Variants in KIAA1217 observed in about 807,000 individuals in gnomAD.
KIAA1217 encodes the protein KIAA1217.
In KIAA1217, 88 loss-of-function variants were observed where a neutral mutation model predicts 163.9. The ratio of observed to expected loss-of-function variants is 0.54; its 90% CI spans 0.45 to 0.64. The LOEUF (loss-of-function observed/expected upper bound fraction) is 0.64. KIAA1217 is among the 30% of genes least tolerant of loss of function. KIAA1217 has a pLI of 0.00. For missense variants in KIAA1217, 2,372 were observed against 2,475.0 expected, an observed-to-expected ratio of 0.96 and a Z score of 0.88; for synonymous variants, 903 against 923.1, an observed-to-expected ratio of 0.98 and a Z score of 0.39.
intron 2 of KIAA1217, among the ~76,000 whole-genome samples, chr10:24,020,441 G>A (rs1187690099): frequency 1.3e-5 from 2 of 152,086 alleles, no homozygotes; most frequent in Non-Finnish European, 2.9e-5. Context: ...TCTCATTTGG[G>A]TGGGCAGTGG....
intron 1 of KIAA1217, among the ~76,000 whole-genome samples, chr10:23,955,776 A>AG (rs1385866905): frequency 8.5e-5 from 13 of 152,232 alleles, no homozygotes; most frequent in Non-Finnish European, 1.9e-4. Context: ...TAAATTGATT[A>AG]GCCATTATTT....
chr10:24,530,217 A>G (rs1043703927), intron 14 of KIAA1217, among the ~76,000 whole-genome samples: 3 of 152,200 alleles, frequency 2.0e-5, no homozygotes, highest in Non-Finnish European at 4.4e-5. Context: ...CAACAAAAAC[A>G]TATTACATTT....
chr10:23,968,632 C>T (rs1044658528), intron 1 of KIAA1217, among the ~76,000 whole-genome samples: 2 of 152,148 alleles, frequency 1.3e-5, no homozygotes, highest in Non-Finnish European at 2.9e-5. Context: ...TTCCCATTAC[C>T]ACCCAACCCC....
intron 2 of KIAA1217, among the ~76,000 whole-genome samples, chr10:24,027,095 A>T (rs1301399989): frequency 6.6e-6 from 1 of 151,998 alleles, no homozygotes; most frequent in Non-Finnish European, 1.5e-5. Flanking sequence ...TTTTAATTTA[A>T]TTCTGTTGTT....
chr10:24,189,496 C>T (rs1412000444), intron 2 of KIAA1217, among the ~76,000 whole-genome samples: 1 of 152,190 alleles, frequency 6.6e-6, no homozygotes, highest in Non-Finnish European at 1.5e-5. Context: ...TGTGCACACA[C>T]TTTTACCCAT....
intron 2 of KIAA1217, among the ~76,000 whole-genome samples, chr10:24,143,369 C>T (rs377703578): frequency 2.6e-5 from 4 of 152,102 alleles, no homozygotes; most frequent in Non-Finnish European, 4.4e-5. Flanking sequence ...CAGGTTCAAG[C>T]GATTCTCCTG....
intron 2 of KIAA1217, among the ~76,000 whole-genome samples, chr10:24,109,719 TAAG>T (rs2062771116): frequency 6.6e-6 from 1 of 152,190 alleles, no homozygotes; most frequent in South Asian, 2.1e-4. Flanking sequence ...GAACGAGGAA[TAAG>T]AAGTCAATGT....
intron 2 of KIAA1217, among the ~76,000 whole-genome samples, chr10:24,117,162 C>T (rs987324436): frequency 6.6e-6 from 1 of 152,010 alleles, no homozygotes; most frequent in Non-Finnish European, 1.5e-5. Context: ...CTCAGCCTCC[C>T]TAGTAGCTGG....
At chr10:24,394,369 T>C (rs1449902515) in intron 3 of KIAA1217, among the ~76,000 whole-genome samples, 1 of 152,190 alleles carries the variant, frequency 6.6e-6, no homozygotes, top group East Asian at 1.9e-4. Flanking sequence ...CTCCCTATAA[T>C]ATAAAGCTAA....
intron 3 of KIAA1217, among the ~76,000 whole-genome samples, chr10:24,393,641 A>T (rs2055299882): frequency 6.6e-6 from 1 of 152,220 alleles, no homozygotes; most frequent in African/African-American, 2.4e-5. Flanking sequence ...CGGAGAGGTG[A>T]TTATGTTAAA....
At chr10:24,503,105 C>T (rs897661184) in intron 9 of KIAA1217, among the ~76,000 whole-genome samples, 3 of 152,226 alleles carry the variant, frequency 2.0e-5, no homozygotes, top group Non-Finnish European at 4.4e-5. Context: ...AGCACAGCGA[C>T]AGCACAAGCC....
intron 5 of KIAA1217, among the ~76,000 whole-genome samples, chr10:24,463,309 C>T (rs757843218): frequency 1.3e-5 from 2 of 152,192 alleles, no homozygotes; most frequent in Non-Finnish European, 2.9e-5. Context: ...GGTCTGGCCA[C>T]TGGAGGGCTC....
At chr10:24,072,833 C>T (rs913502067) in intron 2 of KIAA1217, among the ~76,000 whole-genome samples, 11 of 151,926 alleles carry the variant, frequency 7.2e-5, no homozygotes, top group Non-Finnish European at 1.3e-4. Context: ...GGAGGTGTCC[C>T]TAATAAAGCC....
chr10:24,180,106 C>G (rs1006686851), intron 2 of KIAA1217, among the ~76,000 whole-genome samples: 1 of 152,016 alleles, frequency 6.6e-6, no homozygotes, highest in Non-Finnish European at 1.5e-5. Context: ...ATAGGGGTGG[C>G]AGAGAGTTCC....
intron 1 of KIAA1217, among the ~76,000 whole-genome samples, chr10:23,916,847 CTG>C (rs1450927661): frequency 6.6e-6 from 1 of 151,358 alleles, no homozygotes; most frequent in East Asian, 1.9e-4. Context: ...TGGCGTGTGC[CTG>C]TAATTCCAGC....
chr10:24,253,409 G>A (rs1167869210), intron 2 of KIAA1217, among the ~76,000 whole-genome samples: 4 of 152,104 alleles, frequency 2.6e-5, no homozygotes, highest in South Asian at 2.1e-4. Flanking sequence ...CCCAATGCAG[G>A]CCACTTACAG....
At chr10:23,800,984 C>G (rs565500628) in intron 1 of KIAA1217, among the ~76,000 whole-genome samples, 1 of 152,170 alleles carries the variant, frequency 6.6e-6, no homozygotes, top group South Asian at 2.1e-4. Context: ...GGTATATACC[C>G]AAAGGATTAT....
At chr10:23,825,795 A>C (rs1837869623) in intron 1 of KIAA1217, among the ~76,000 whole-genome samples, 1 of 152,216 alleles carries the variant, frequency 6.6e-6, no homozygotes, top group Non-Finnish European at 1.5e-5. Context: ...TGAGTCATGC[A>C]GACTGAGATC....
chr10:23,755,098 A>G (rs552237876), intron 1 of KIAA1217, among the ~76,000 whole-genome samples: 9 of 152,300 alleles, frequency 5.9e-5, no homozygotes, highest in African/African-American at 1.9e-4. Flanking sequence ...CAATCCAGGG[A>G]TCTACAGCTG....
Sources: gnomAD v4.1 joint callset for allele counts (sites outside exome capture counted in the v4.1 genomes callset) on GRCh38, gnomAD v4.1.1 for gene constraint, MANE v1.5 for transcripts, NCBI Gene and HGNC (gene_info 2026-07-23, HGNC 2026-07-21) for gene names.